The following IL18R1 variants were observed in gnomAD, a reference collection of about 807,000 sequenced individuals.
The protein encoded by IL18R1 is interleukin-18 receptor 1.
In IL18R1, 40 loss-of-function variants were observed where a neutral mutation model predicts 48.5. The ratio of observed to expected loss-of-function variants is 0.82; its 90% CI spans 0.64 to 1.07. The LOEUF is 1.07. Among genes scored for constraint, IL18R1 ranks in the 50% least tolerant of loss-of-function variants. IL18R1 has a pLI of 0.00. For synonymous variants in IL18R1, 232 were observed against 225.9 expected (o/e 1.03, Z -0.24); for missense variants, 596 against 633.7 (o/e 0.94, Z 0.64).
chr2:102,373,861 G>A, intron 4 of IL18R1: 1 of 328,886 alleles, frequency 3.0e-6, no homozygotes, highest in Non-Finnish European at 6.2e-6. Flanking sequence ...AACTGTGCAT[G>A]CGAGGAATCT....
chr2:102,369,193 C>T (rs1017946623), intron 3 of IL18R1, among the ~76,000 whole-genome samples: 2 of 152,146 alleles, frequency 1.3e-5, no homozygotes, highest in African/African-American at 4.8e-5. Flanking sequence ...ACCGCCCCCC[C>T]CACCACAAAC....
At chr2:102,394,961 A>G (rs1680747581) in intron 10 of IL18R1, among the ~76,000 whole-genome samples, 1 of 152,186 alleles carries the variant, frequency 6.6e-6, no homozygotes, top group Non-Finnish European at 1.5e-5. Flanking sequence ...TATCTGTACC[A>G]CAGCAGCAGT....
rs760502365 is a variant in IL18R1 at position 102,396,650 on chromosome 2, T to C, written c.1390T>C (p.Leu464=). ...YELESGLHEA[L]VERKIKIILI... ...ACTTGAAAGTGGACTCCATGAAGCA[T>C]TGGTGGAAAGAAAAATTAAAATAAT... The change falls in exon 11 of 11, where the codon TTG becomes CTG. Residue 464 remains leucine, a synonymous_variant. Transcript: ENST00000233957. 9.0e-5 allele frequency: 145 copies of C among 1,613,140 alleles called. No homozygotes were observed. Among genetic ancestry groups the C allele is most frequent in the Non-Finnish European group, 1.2e-4 (137 of 1,179,196 alleles).
chr2:102,394,669 CT>C (rs746857501), intron 10 of IL18R1, 42 bp downstream of exon 10: 31 of 1,527,744 alleles, frequency 2.0e-5, no homozygotes, highest in African/African-American at 2.8e-5. Flanking sequence ...AAGATAGTTT[CT>C]TTTTAAAAAA....
rs751972582 is a variant in IL18R1, at chr2:102,376,041, C to CT, written c.605dup (p.Asn203GlnfsTer10). ...GAAAACTATTTAATATCACCAAAACCTTCAATATAACAATAGTGGAAGGTA... is the reference window on the plus strand; with the variant it reads ...GAAAACTATTTAATATCACCAAAACCTTTCAATATAACAATAGTGGAAGGTA... On this transcript the variant is annotated frameshift_variant, in exon 5 of 11. Transcript: ENST00000233957. LOFTEE classifies it high-confidence loss of function. 4 of 1,593,304 alleles carry CT rather than the reference C, an allele frequency of 2.5e-6. No homozygotes were observed. The highest frequency in any genetic ancestry group is 3.4e-6 in the Non-Finnish European group (4 of 1,173,160).
chr2:102,374,051 G>T, intron 4 of IL18R1: 1 of 309,788 alleles, frequency 3.2e-6, no homozygotes, highest in African/African-American at 2.1e-5. Context: ...GAAATAAAGT[G>T]CACAATAAAT....
intron 5 of IL18R1, among the ~76,000 whole-genome samples, chr2:102,379,215 G>A (rs113826823): frequency 6.6e-5 from 10 of 152,236 alleles, no homozygotes; most frequent in East Asian, 1.9e-4. Context: ...AGGCCGAGGC[G>A]GATGGATCAC....
In IL18R1 at chr2:102,363,481, A is replaced by T. The variant is rs1020821133; in HGVS notation, c.58+763A>T. Among the ~76,000 whole-genome samples the T allele has an allele frequency of 5.9e-5, 9 of 152,324 alleles. No individual in the cohort carries two copies. The East Asian group carries it at 1.2e-3, about 20-fold the overall frequency. On this transcript the variant is annotated intron_variant, in intron 2 of 10. Transcript: ENST00000233957. ...ATCCATTTATTATTGAGATCCCTGC[A>T]ATGGAACCCTACCCAGATGATAAAA...
chr2:102,376,340 G>T (rs1435314815), intron 5 of IL18R1, among the ~76,000 whole-genome samples: 1 of 152,162 alleles, frequency 6.6e-6, no homozygotes, highest in Admixed American at 6.5e-5. Context: ...GGAATCTTTT[G>T]TTGTTGAATT....
chr2:102,362,896 T>G (rs1678665446), intron 2 of IL18R1, 178 bp downstream of exon 2: 1 of 401,478 alleles, frequency 2.5e-6, no homozygotes, highest in Non-Finnish European at 4.4e-6. Flanking sequence ...TGAAATAAAT[T>G]ACATTTGTCT....
intron 4 of IL18R1, among the ~76,000 whole-genome samples, chr2:102,375,378 T>C (rs1679514393): frequency 6.6e-6 from 1 of 152,226 alleles, no homozygotes; most frequent in Non-Finnish European, 1.5e-5. Flanking sequence ...TGCTGATGCA[T>C]TTCTAATCAG....
chr2:102,373,088 T>A (rs2105066275), intron 4 of IL18R1, among the ~76,000 whole-genome samples: 1 of 152,256 alleles, frequency 6.6e-6, no homozygotes, highest in East Asian at 1.9e-4. Flanking sequence ...ATATGAAAAA[T>A]TTCTAAAACT....
At chr2:102,381,958 C>T (rs1679946220) in intron 6 of IL18R1, among the ~76,000 whole-genome samples, 2 of 152,098 alleles carry the variant, frequency 1.3e-5, no homozygotes, top group Non-Finnish European at 2.9e-5. Context: ...GTCTTTAACT[C>T]TCTCTATGGT....
At chr2:102,362,306 T>A (rs1202432580) in intron 1 of IL18R1, among the ~76,000 whole-genome samples, 2 of 152,226 alleles carry the variant, frequency 1.3e-5, no homozygotes, top group Non-Finnish European at 2.9e-5. Flanking sequence ...ATTCATAGAA[T>A]GGTAATATTT....
intron 1 of IL18R1, among the ~76,000 whole-genome samples, chr2:102,357,431 C>A (rs1678315040): frequency 6.7e-6 from 1 of 150,324 alleles, no homozygotes; most frequent in Non-Finnish European, 1.5e-5. Flanking sequence ...GCAGAGGTTG[C>A]AGTGAGCAGA....
intron 6 of IL18R1, among the ~76,000 whole-genome samples, chr2:102,384,278 C>T (rs1166943818): frequency 6.6e-6 from 1 of 152,190 alleles, no homozygotes; most frequent in Non-Finnish European, 1.5e-5. Flanking sequence ...ATCATACAGC[C>T]TTTACATCCT....
At chr2:102,370,890 G>T (rs1679210516) in intron 3 of IL18R1, among the ~76,000 whole-genome samples, 1 of 152,192 alleles carries the variant, frequency 6.6e-6, no homozygotes, top group Non-Finnish European at 1.5e-5. Context: ...AATGTGTCAG[G>T]CATAGAGGAT....
chr2:102,374,286 C>T (rs761937631), intron 4 of IL18R1, among the ~76,000 whole-genome samples: 21 of 152,144 alleles, frequency 1.4e-4, no homozygotes, highest in Admixed American at 2.6e-4. Flanking sequence ...AAATCTGAAG[C>T]GAGTGATGAT....
At chr2:102,389,668 A>G (rs867652652) in intron 8 of IL18R1, among the ~76,000 whole-genome samples, 4 of 152,202 alleles carry the variant, frequency 2.6e-5, no homozygotes, top group Non-Finnish European at 5.9e-5. Context: ...ACAAATGTCA[A>G]TCCAGTGCTC....
Sources: allele counts gnomAD v4.1 joint callset (sites outside exome capture counted in the v4.1 genomes callset), GRCh38; gene constraint gnomAD v4.1.1; transcripts MANE v1.5; gene names NCBI Gene and HGNC (gene_info 2026-07-23, HGNC 2026-07-21).